MRAP2: variants seen among roughly 807,000 people sequenced by gnomAD.
MRAP2 encodes melanocortin-2 receptor accessory protein 2.
In MRAP2, 20 loss-of-function variants were observed where a neutral mutation model predicts 17.4. The ratio of observed to expected loss-of-function variants is 1.15; its 90% confidence interval spans 0.81 to 1.67. The LOEUF (loss-of-function observed/expected upper bound fraction) is 1.67. Ranked by LOEUF, MRAP2 falls within the 40% of genes most tolerant of loss-of-function variation. The pLI is 0.00. For missense variants in MRAP2, 238 were observed against 240.0 expected (o/e 0.99, Z 0.05); for synonymous variants, 96 against 88.4 (o/e 1.09, Z -0.48).
chr6:84,078,153 T>C (rs2099498065), intron 3 of MRAP2, among the ~76,000 whole-genome samples: 1 of 151,990 alleles, frequency 6.6e-6, no homozygotes, highest in Non-Finnish European at 1.5e-5. Context: ...AACAACTGAT[T>C]AAAACCCCTG....
At chr6:84,060,042 T>C (rs573795726) in intron 2 of MRAP2, among the ~76,000 whole-genome samples, 3 of 152,250 alleles carry the variant, frequency 2.0e-5, no homozygotes, top group South Asian at 4.1e-4. Flanking sequence ...GGATGGGTCA[T>C]AGGGCAGAAG....
chr6:84,041,205 G>A (rs565478050), intron 1 of MRAP2, among the ~76,000 whole-genome samples: 11 of 152,356 alleles, frequency 7.2e-5, no homozygotes, highest in African/African-American at 2.4e-4. Flanking sequence ...CCAAGCCTTG[G>A]CAGCTTCCAT....
chr6:84,145,311 A>G, the MRAP2 span, among the ~76,000 whole-genome samples: 1 of 152,154 alleles, frequency 6.6e-6, no homozygotes. Flanking sequence ...ATGCCAATAA[A>G]GGGCCAATCT....
At chr6:84,055,112 C>T (rs1588632418) in intron 1 of MRAP2, among the ~76,000 whole-genome samples, 200 bp from the exon 2 acceptor site, 1 of 152,276 alleles carries the variant, frequency 6.6e-6, no homozygotes, top group African/African-American at 2.4e-5. Context: ...TTATTCCACT[C>T]TAGTGGCAAG....
chr6:84,113,712 G>A, the MRAP2 span, among the ~76,000 whole-genome samples: 1 of 152,204 alleles, frequency 6.6e-6, no homozygotes, highest in East Asian at 1.9e-4. Flanking sequence ...TGTTTTTGCA[G>A]TGGCTGGTAC....
the MRAP2 span, among the ~76,000 whole-genome samples, chr6:84,127,443 T>A: frequency 6.6e-6 from 1 of 152,112 alleles, no homozygotes; most frequent in African/African-American, 2.4e-5. Flanking sequence ...ATATCATCAT[T>A]GAACAAAGAA....
intron 3 of MRAP2, among the ~76,000 whole-genome samples, chr6:84,077,049 T>C (rs994755120): frequency 6.6e-6 from 1 of 152,192 alleles, no homozygotes; most frequent in Non-Finnish European, 1.5e-5. Flanking sequence ...CATAAAGTGC[T>C]CACTGAGGTC....
At position 84,045,711 on chromosome 6, in the gene MRAP2, T is replaced by C. The variant is rs112656125; in HGVS notation, c.-7-9601T>C. The stretch of plus-strand genomic sequence containing the variant: ...CCAGGAGGCAGAGGTTGCATTGAGC[T>C]GAGATCACGCCACTGCACTCCAGCC... On this transcript the variant is annotated intron_variant, in intron 1 of 3. Transcript: ENST00000257776. Among the ~76,000 whole-genome samples, 966 of 152,004 alleles carry C rather than the reference T, an allele frequency of 6.4e-3. 17 individuals carry two copies. Among genetic ancestry groups the C allele is most frequent in the African/African-American group, 0.022 (903 of 41,436 alleles).
intron 3 of MRAP2, among the ~76,000 whole-genome samples, chr6:84,083,493 A>C (rs888491466): frequency 2.6e-5 from 4 of 152,244 alleles, no homozygotes; most frequent in African/African-American, 9.6e-5. Context: ...TTAGTCTTAC[A>C]TATCAAAGAA....
chr6:84,121,871 C>T, the MRAP2 span, among the ~76,000 whole-genome samples: 1,004 of 146,634 alleles, frequency 6.8e-3, 7 homozygotes, highest in African/African-American at 0.026. Context: ...AACAACCTAA[C>T]ATCGCACCTC....
rs532372594 is a variant in MRAP2 at position 84,062,475 on chromosome 6, A to G, written c.128-418A>G. The G allele has an allele frequency of 8.7e-6, 8 of 915,724 alleles. No individual in the cohort carries two copies. In the African/African-American group the frequency reaches 1.3e-4, roughly 14 times the overall value. 56.7% of individuals were successfully genotyped at this position (915,724 alleles called of 1,614,324 possible). A position where few individuals can be genotyped will look rare whatever the true frequency, so the allele number is the denominator to read the frequency against. On this transcript the variant is annotated intron_variant, in intron 2 of 3. Transcript: ENST00000257776. ...ATTTTGTTTTCCTTGCACAGTTAAT[A>G]TCTGTTAAATTTAATTTGTCTAAAG...
chr6:84,047,684 T>C (rs2099489398), intron 1 of MRAP2, among the ~76,000 whole-genome samples: 1 of 152,200 alleles, frequency 6.6e-6, no homozygotes, highest in Non-Finnish European at 1.5e-5. Context: ...TACTGGTAAA[T>C]AACAATTTCC....
chr6:84,033,681 C>T (rs148504096), upstream of MRAP2: 5,678 of 984,904 alleles, frequency 5.8e-3, 237 homozygotes, highest in African/African-American at 0.092. Flanking sequence ...GGGGAGGCGG[C>T]TCCCGCGCTG....
chr6:84,110,146 A>G, the MRAP2 span, among the ~76,000 whole-genome samples: 1 of 151,772 alleles, frequency 6.6e-6, no homozygotes, highest in African/African-American at 2.4e-5. Context: ...CTGGTTCTAG[A>G]TCCTTGAGGA....
chr6:84,064,691 G>T (rs956168032), intron 3 of MRAP2, among the ~76,000 whole-genome samples: 6 of 152,302 alleles, frequency 3.9e-5, no homozygotes, highest in Admixed American at 2.6e-4. Flanking sequence ...GTTTCACCAT[G>T]TTAGCCAGGA....
chr6:84,044,726 C>G (rs996600863), intron 1 of MRAP2, among the ~76,000 whole-genome samples: 1 of 152,194 alleles, frequency 6.6e-6, no homozygotes, highest in African/African-American at 2.4e-5. Context: ...TTTAAAGGCC[C>G]TATGTCCAAA....
chr6:84,048,654 T>A (rs2480185), intron 1 of MRAP2, among the ~76,000 whole-genome samples: 12,452 of 152,242 alleles, frequency 0.082, 890 homozygotes, highest in African/African-American at 0.19. Flanking sequence ...AGGATGGCAG[T>A]CTAACACGTT....
At chr6:84,071,199 G>A (rs2099496105) in intron 3 of MRAP2, among the ~76,000 whole-genome samples, 1 of 152,130 alleles carries the variant, frequency 6.6e-6, no homozygotes, top group African/African-American at 2.4e-5. Context: ...CTTTAAAGAG[G>A]TTCTGTTTTG....
At chr6:84,051,703 A>G (rs533428854) in intron 1 of MRAP2, among the ~76,000 whole-genome samples, 3 of 152,334 alleles carry the variant, frequency 2.0e-5, no homozygotes, top group Admixed American at 1.3e-4. Flanking sequence ...TACCTGGGCA[A>G]TAGAGTAAGA....
Sources: gnomAD v4.1 joint callset for allele counts (sites outside exome capture counted in the v4.1 genomes callset) on GRCh38, gnomAD v4.1.1 for gene constraint, MANE v1.5 for transcripts, NCBI Gene and HGNC (gene_info 2026-07-23, HGNC 2026-07-21) for gene names.